The following TACR3 variants were observed in gnomAD, a reference collection of about 807,000 sequenced individuals.
TACR3 encodes the protein neuromedin-K receptor.
In TACR3, 34 loss-of-function variants were observed where a neutral mutation model predicts 35.0. The observed-to-expected ratio is 0.97, with a 90% CI of 0.74 to 1.30. TACR3 has a LOEUF of 1.30. Ranked by LOEUF, TACR3 falls within the 50% of genes most tolerant of loss-of-function variation. The probability of loss-of-function intolerance (pLI) is 0.00; values close to 1 mark genes in which losing one functional copy is unlikely to be tolerated. For missense variants in TACR3, 558 were observed against 591.7 expected (o/e 0.94, Z 0.59); for synonymous variants, 233 against 221.1 (o/e 1.05, Z -0.48).
chr4:103,661,203 C>T (rs1260724159), intron 1 of TACR3, among the ~76,000 whole-genome samples: 1 of 151,846 alleles, frequency 6.6e-6, no homozygotes, highest in Non-Finnish European at 1.5e-5. Flanking sequence ...GTTAGAGATA[C>T]CCACCAAAGA....
intron 1 of TACR3, among the ~76,000 whole-genome samples, chr4:103,663,477 G>A (rs996454647): frequency 1.3e-5 from 2 of 152,116 alleles, no homozygotes; most frequent in African/African-American, 2.4e-5. Flanking sequence ...CTGAGTGACA[G>A]AGCAAGACTC....
intron 1 of TACR3, among the ~76,000 whole-genome samples, chr4:103,706,973 T>G (rs1245764670): frequency 6.6e-6 from 1 of 152,210 alleles, no homozygotes; most frequent in East Asian, 1.9e-4. Context: ...TGCAGTTTTA[T>G]CTTTGTATCA....
At chr4:103,604,908 C>A (rs1245545524) in intron 3 of TACR3, among the ~76,000 whole-genome samples, 8 of 150,564 alleles carry the variant, frequency 5.3e-5, no homozygotes, top group Non-Finnish European at 1.0e-4. Context: ...TATACATGTG[C>A]CATGCTGGTG....
At chr4:103,632,549 G>A (rs747741066) in intron 3 of TACR3, among the ~76,000 whole-genome samples, 1 of 151,294 alleles carries the variant, frequency 6.6e-6, no homozygotes, top group Non-Finnish European at 1.5e-5. Context: ...TGGGTGGGGG[G>A]TGAGGGGAGG....
chr4:103,597,784 A>G (rs1023657880), intron 3 of TACR3, among the ~76,000 whole-genome samples: 1 of 152,176 alleles, frequency 6.6e-6, no homozygotes, highest in Non-Finnish European at 1.5e-5. Flanking sequence ...ACATGAACTC[A>G]TCATAATTTA....
intron 1 of TACR3, among the ~76,000 whole-genome samples, chr4:103,686,275 A>G (rs1488914826): frequency 1.3e-5 from 2 of 152,202 alleles, no homozygotes; most frequent in East Asian, 3.8e-4. Flanking sequence ...TTTTATAAGC[A>G]TTCCCATGAC....
intron 3 of TACR3, among the ~76,000 whole-genome samples, chr4:103,596,239 A>T (rs1177335879): frequency 2.6e-5 from 4 of 151,884 alleles, no homozygotes; most frequent in Non-Finnish European, 4.4e-5. Context: ...ATAGCAGCAT[A>T]ATTTATAATC....
chr4:103,659,729 G>A (rs1172825454), intron 1 of TACR3, among the ~76,000 whole-genome samples: 3 of 152,090 alleles, frequency 2.0e-5, no homozygotes, highest in African/African-American at 4.8e-5. Context: ...AACTTCTTGG[G>A]GAAGTTAGGA....
At chr4:103,675,924 T>C (rs1414220276) in intron 1 of TACR3, among the ~76,000 whole-genome samples, 2 of 152,052 alleles carry the variant, frequency 1.3e-5, no homozygotes, top group African/African-American at 2.4e-5. Flanking sequence ...AAATTATCCC[T>C]CTTGCTCATA....
At chr4:103,630,316 A>G (rs1393545225) in intron 3 of TACR3, among the ~76,000 whole-genome samples, 2 of 152,240 alleles carry the variant, frequency 1.3e-5, no homozygotes, top group Non-Finnish European at 2.9e-5. Context: ...AGCAATGGCA[A>G]CAAAAGCCAA....
intron 3 of TACR3, among the ~76,000 whole-genome samples, chr4:103,594,183 T>TG (rs1026663788): frequency 2.9e-5 from 3 of 104,822 alleles, no homozygotes; most frequent in Admixed American, 8.8e-5. Context: ...AAAATAACCT[T>TG]TTTTTTTTTT....
At chr4:103,705,948 A>G (rs1191943716) in intron 1 of TACR3, among the ~76,000 whole-genome samples, 2 of 152,192 alleles carry the variant, frequency 1.3e-5, no homozygotes, top group African/African-American at 4.8e-5. Context: ...ATATTTTCTC[A>G]TGTATGTTTT....
rs530823129 is a variant in TACR3, at chr4:103,588,230, A to T, written c.*1452T>A. The T allele has an allele frequency of 6.6e-6, 1 of 152,246 alleles. No individual in the cohort carries two copies. Among genetic ancestry groups the T allele is most frequent in the Admixed American group, 6.5e-5 (1 of 15,268 alleles). The allele number at this position is 152,246 out of a possible 1,614,324, so 9.4% of individuals were successfully genotyped here. Reference sequence around the variant, plus strand: ...GAGGCACAACAGTAAAGTGTTTGTTAGAGAGTATTATTTTAGACAAATATC... The same window carrying T: ...GAGGCACAACAGTAAAGTGTTTGTTTGAGAGTATTATTTTAGACAAATATC... On this transcript the variant is annotated 3_prime_UTR_variant, in exon 5 of 5. Coordinates refer to ENST00000304883, the MANE Select transcript of TACR3 (RefSeq NM_001059.3).
In TACR3 at chr4:103,686,580, T is replaced by C. The variant is rs192184236; in HGVS notation, c.549-28177A>G. 2.1e-3 allele frequency among the ~76,000 whole-genome samples: 313 copies of C among 152,310 alleles called. 2 individuals are homozygous for C. Among genetic ancestry groups the C allele is most frequent in the Non-Finnish European group, 7.2e-4 (49 of 68,020 alleles). On this transcript the variant is annotated intron_variant, in intron 1 of 4. Coordinates refer to ENST00000304883, the MANE Select transcript of TACR3 (RefSeq NM_001059.3). ...GGAGTGGAAAAAATAGAATTCATAGTTGTTACATTCAATTATATAAAATGT... is the reference window on the plus strand; with the variant it reads ...GGAGTGGAAAAAATAGAATTCATAGCTGTTACATTCAATTATATAAAATGT...
intron 1 of TACR3, among the ~76,000 whole-genome samples, chr4:103,718,611 C>T (rs943439206): frequency 2.0e-5 from 3 of 151,962 alleles, no homozygotes; most frequent in Non-Finnish European, 4.4e-5. Flanking sequence ...GGAGACCAAA[C>T]CAGTGTTGGC....
chr4:103,689,596 A>G (rs2110215890), intron 1 of TACR3, among the ~76,000 whole-genome samples: 1 of 152,244 alleles, frequency 6.6e-6, no homozygotes, highest in East Asian at 1.9e-4. Flanking sequence ...GAAAGCATCA[A>G]GGAATTTAAA....
At chr4:103,645,205 T>C (rs1725433076) in intron 3 of TACR3, among the ~76,000 whole-genome samples, 1 of 151,934 alleles carries the variant, frequency 6.6e-6, no homozygotes, top group South Asian at 2.1e-4. Flanking sequence ...ATTGTACATA[T>C]TGTTATATTG....
At chr4:103,701,282 G>A (rs1258928252) in intron 1 of TACR3, among the ~76,000 whole-genome samples, 33 of 151,748 alleles carry the variant, frequency 2.2e-4, no homozygotes, top group African/African-American at 7.0e-4. Context: ...CAAATCATGA[G>A]TGAACTCCCA....
chr4:103,597,829 C>T (rs957182902), intron 3 of TACR3, among the ~76,000 whole-genome samples: 1 of 152,180 alleles, frequency 6.6e-6, no homozygotes, highest in South Asian at 2.1e-4. Context: ...ATATGTGCCA[C>T]ATTTTCTTAA....
Sources: allele counts gnomAD v4.1 joint callset (sites outside exome capture counted in the v4.1 genomes callset), GRCh38; gene constraint gnomAD v4.1.1; transcripts MANE v1.5; gene names NCBI Gene and HGNC (gene_info 2026-07-23, HGNC 2026-07-21).